Variants in COPG1 observed in about 807,000 individuals in gnomAD.
The protein encoded by COPG1 is coatomer subunit gamma-1.
COPG1 carries 29 observed loss-of-function variants against 102.8 expected under a neutral mutation model. The ratio of observed to expected loss-of-function variants is 0.28; its 90% CI spans 0.21 to 0.38. The LOEUF (loss-of-function observed/expected upper bound fraction) is 0.38. Ranked by LOEUF, COPG1 falls within the 10% of genes least tolerant of loss-of-function variation. The probability of loss-of-function intolerance (pLI) is 1.00; values close to 1 mark genes in which losing one functional copy is unlikely to be tolerated. For missense variants in COPG1, 875 were observed against 1,132.7 expected (o/e 0.77, Z 3.27); for synonymous variants, 406 against 421.6 (o/e 0.96, Z 0.45).
Position 129,256,063 on chromosome 3 carries a change from C to T in COPG1, c.493-5C>T, listed in dbSNP as rs1939802779. On this transcript the variant is annotated splice_region_variant and splice_polypyrimidine_tract_variant and intron_variant, in intron 7 of 23. Coordinates refer to ENST00000314797, the MANE Select transcript of COPG1 (RefSeq NM_016128.4). Reference sequence around the variant, plus strand: ...CTGCCCCTTAATGTGTCCTGTTGCCCACAGCACCTGCTGAAGTGCAGCTTT... The same window carrying T: ...CTGCCCCTTAATGTGTCCTGTTGCCTACAGCACCTGCTGAAGTGCAGCTTT... 1 of 1,613,188 alleles carries T rather than the reference C, an allele frequency of 6.2e-7. No individual in the cohort carries two copies. The highest frequency in any genetic ancestry group is 1.7e-5 in the Admixed American group (1 of 59,980).
At chr3:129,251,154 A>G (rs903867779) in intron 2 of COPG1, among the ~76,000 whole-genome samples, 20 of 150,716 alleles carry the variant, frequency 1.3e-4, no homozygotes, top group African/African-American at 4.8e-4. Context: ...TGATCTCCTG[A>G]CCTCGTGATC....
Position 129,260,490 on chromosome 3 carries a change from C to T in COPG1, c.939+90C>T, listed in dbSNP as rs760542756. On this transcript the variant is annotated intron_variant, in intron 11 of 23. Coordinates refer to ENST00000314797, the MANE Select transcript of COPG1 (RefSeq NM_016128.4). ...TGACCTGGCTGGGAAGGATAATAGC[C>T]CTGGTCACAGTTAGTTTCTTCTAGA... 1.4e-5 allele frequency: 21 copies of T among 1,517,024 alleles called. No individual in the cohort carries two copies. The South Asian group carries it at 2.4e-4, about 17-fold the overall frequency. The allele number at this position is 1,517,024 out of a possible 1,614,324, so 94.0% of individuals were successfully genotyped here.
chr3:129,257,637 C>T lies in COPG1; in HGVS notation c.737+10C>T, dbSNP rs202155559. 16 of 1,614,070 alleles carry T rather than the reference C, an allele frequency of 9.9e-6. No individual in the cohort carries two copies. The highest frequency in any genetic ancestry group is 1.4e-5 in the Non-Finnish European group (16 of 1,180,026). On this transcript the variant is annotated intron_variant, in intron 9 of 23. Coordinates refer to ENST00000314797, the MANE Select transcript of COPG1 (RefSeq NM_016128.4). Reference sequence around the variant, plus strand: ...AAGAGGAGGATGGCAGGTAACGGCTCTCATCTCTCACCAGCTAGATGATGC... The same window carrying T: ...AAGAGGAGGATGGCAGGTAACGGCTTTCATCTCTCACCAGCTAGATGATGC...
intron 5 of COPG1, among the ~76,000 whole-genome samples, chr3:129,253,436 T>C (rs1168773929): frequency 2.0e-5 from 3 of 152,132 alleles, no homozygotes; most frequent in Non-Finnish European, 4.4e-5. Flanking sequence ...GTAGGTTCAG[T>C]TAGAAAATAT....
chr3:129,265,101 G>A (rs980701174), intron 13 of COPG1, among the ~76,000 whole-genome samples: 2 of 151,728 alleles, frequency 1.3e-5, no homozygotes, highest in African/African-American at 4.8e-5. Flanking sequence ...GATTACAGAC[G>A]TGAGCCACTG....
intron 13 of COPG1, among the ~76,000 whole-genome samples, chr3:129,264,473 T>C (rs1940011620): frequency 6.6e-6 from 1 of 151,952 alleles, no homozygotes; most frequent in Non-Finnish European, 1.5e-5. Flanking sequence ...GTTCATGGAG[T>C]AGATTTGTTC....
chr3:129,250,287 G>C (rs1314214802), intron 1 of COPG1, among the ~76,000 whole-genome samples: 1 of 152,228 alleles, frequency 6.6e-6, no homozygotes, highest in Non-Finnish European at 1.5e-5. Context: ...CACGATGGAG[G>C]AGGCAGACAT....
Position 129,268,601 on chromosome 3 carries a change from C to A in COPG1, c.1755C>A (p.Pro585=). The stretch of plus-strand genomic sequence containing the variant: ...AGTCTGTGCCCCTGGCCACGGCGCC[C>A]ATGGCAGAGCAGAGAACAGGTAACA... ...DLKSVPLATA[P]MAEQRTESTP... The change falls in exon 17 of 24, where the codon CCC becomes CCA. Residue 585 remains proline (P), a synonymous_variant. Transcript: ENST00000314797. 6.2e-7 allele frequency: 1 copy of A among 1,614,192 alleles called. No homozygotes were observed. The highest frequency in any genetic ancestry group is 1.1e-5 in the South Asian group (1 of 91,090).
chr3:129,252,690 A>G lies in COPG1; in HGVS notation c.239A>G (p.Asn80Ser), dbSNP rs746648581. Residue 80 changes from asparagine to serine, a missense_variant, in exon 4 of 24, where the codon AAT becomes AGT. Asn to Ser is a conservative substitution (Grantham distance 46, BLOSUM62 1). Transcript: ENST00000314797. ...GCCATGACCAAGCTCTTTCAGTCCA[A>G]TGATGTAAGTGCCTCAACCCAGCTT... is the stretch of plus-strand genomic sequence containing the variant. Reference protein sequence around the residue: ...FFAMTKLFQSNDPTLRRMCYL... With the variant: ...FFAMTKLFQSSDPTLRRMCYL... The G allele has an allele frequency of 1.7e-5, 28 of 1,613,962 alleles. No homozygotes were observed. The highest frequency in any genetic ancestry group is 5.0e-5 in the Admixed American group (3 of 60,016).
intron 7 of COPG1, 117 bp from the exon 8 acceptor site, chr3:129,255,951 G>T: frequency 1.3e-6 from 1 of 792,266 alleles, no homozygotes; most frequent in Non-Finnish European, 2.1e-6. Flanking sequence ...CATGGTCTCT[G>T]AGGACCAGGA....
At position 129,257,530 on chromosome 3, in the gene COPG1, A is replaced by G; in HGVS notation, c.640A>G (p.Met214Val). Reference sequence around the variant, plus strand: ...GAATGACCGCCTAGCCGTCAATAAGATGATCAGCAAGGTCACACGGCATGG... The same window carrying G: ...GAATGACCGCCTAGCCGTCAATAAGGTGATCAGCAAGGTCACACGGCATGG... The part of the protein sequence containing the change: ...RKNDRLAVNK[M>V]ISKVTRHGLK... The change falls in exon 9 of 24, where the codon ATG (methionine) becomes GTG (valine). Residue 214 changes from methionine to valine, a missense_variant. Transcript: ENST00000314797. 2 of 1,614,212 alleles carry G rather than the reference A, an allele frequency of 1.2e-6. No homozygotes were observed. Among genetic ancestry groups the G allele is most frequent in the Non-Finnish European group, 1.7e-6 (2 of 1,180,048 alleles).
rs778447037 is a variant in COPG1, at chr3:129,265,713, G to T, written c.1389G>T (p.Gly463=). The T allele has an allele frequency of 1.1e-5, 17 of 1,614,042 alleles. No individual in the cohort carries two copies. The highest frequency in any genetic ancestry group is 1.4e-5 in the Non-Finnish European group (16 of 1,180,030). Reference sequence around the variant, plus strand: ...TTCTACATCTCCTGGGCCAGGAGGGGCCCAAGACCACCAATCCCTCAAAGT... The same window carrying T: ...TTCTACATCTCCTGGGCCAGGAGGGTCCCAAGACCACCAATCCCTCAAAGT... ...TRILHLLGQE[G]PKTTNPSKYI... is the part of the protein sequence containing the mutation. Residue 463 remains glycine (G), a synonymous_variant, in exon 14 of 24, where the codon GGG becomes GGT. Transcript: ENST00000314797.
chr3:129,266,588 C>A (rs1209052560), intron 14 of COPG1, among the ~76,000 whole-genome samples: 1 of 151,988 alleles, frequency 6.6e-6, no homozygotes, highest in Non-Finnish European at 1.5e-5. Context: ...CTTTTCATGC[C>A]CCCACTGGAC....
At chr3:129,273,671 C>A (rs546529279) in intron 21 of COPG1, among the ~76,000 whole-genome samples, 1 of 152,302 alleles carries the variant, frequency 6.6e-6, no homozygotes, top group South Asian at 2.1e-4. Context: ...TATATTGCTG[C>A]ATTAAATATC....
In COPG1 at chr3:129,265,735, A is replaced by G. The variant is rs1940042303; in HGVS notation, c.1411A>G (p.Lys471Glu). Residue 471 changes from lysine (K) to glutamate (E), a missense_variant, in exon 14 of 24, where the codon AAG becomes GAG. Lys to Glu is a moderately conservative substitution (Grantham distance 56). Coordinates refer to ENST00000314797, the MANE Select transcript of COPG1 (RefSeq NM_016128.4). ...GGGGCCCAAGACCACCAATCCCTCA[A>G]AGTACATCCGCTTCATCTATAACCG... The part of the protein sequence containing the change: ...QEGPKTTNPS[K>E]YIRFIYNRVV... The G allele has an allele frequency of 9.9e-6, 16 of 1,614,106 alleles. No homozygotes were observed. Among genetic ancestry groups the G allele is most frequent in the Non-Finnish European group, 1.3e-5 (15 of 1,179,994 alleles).
chr3:129,261,378 G>A (rs1210864410), intron 12 of COPG1, among the ~76,000 whole-genome samples: 1 of 152,168 alleles, frequency 6.6e-6, no homozygotes, highest in African/African-American at 2.4e-5. Flanking sequence ...AAGTCAAGGA[G>A]AGAGAAGGCC....
intron 20 of COPG1, 48 bp downstream of exon 20, chr3:129,272,463 G>T (rs761503935): frequency 2.4e-5 from 36 of 1,524,112 alleles, no homozygotes; most frequent in Non-Finnish European, 2.9e-5. Context: ...AGCTCATGGG[G>T]TCAGGAGGAG....
At chr3:129,261,962 T>C (rs1393883740) in intron 12 of COPG1, among the ~76,000 whole-genome samples, 2 of 152,240 alleles carry the variant, frequency 1.3e-5, no homozygotes, top group African/African-American at 4.8e-5. Flanking sequence ...CAATGAAGTA[T>C]GTCACCGGAG....
intron 5 of COPG1, among the ~76,000 whole-genome samples, chr3:129,254,155 G>A (rs575047467): frequency 6.6e-6 from 1 of 152,184 alleles, no homozygotes; most frequent in Admixed American, 6.5e-5. Flanking sequence ...AAATTAGCCG[G>A]GTATGGTGGC....
Sources: allele counts gnomAD v4.1 joint callset (sites outside exome capture counted in the v4.1 genomes callset), GRCh38; gene constraint gnomAD v4.1.1; transcripts MANE v1.5; gene names NCBI Gene and HGNC (gene_info 2026-07-23, HGNC 2026-07-21).